The following CBLN2 variants were observed in gnomAD, a reference collection of about 807,000 sequenced individuals.
CBLN2 encodes cerebellin-2.
In CBLN2, 7 loss-of-function variants were observed where a neutral mutation model predicts 15.0. That is an observed-to-expected ratio of 0.47 (90% CI 0.27 to 0.88). The LOEUF (loss-of-function observed/expected upper bound fraction) is 0.88, where lower values mean the gene tolerates loss of function less well. Ranked by LOEUF, CBLN2 falls within the 40% of genes least tolerant of loss-of-function variation. The pLI is 0.14. For missense variants in CBLN2, 242 were observed against 304.5 expected, an observed-to-expected ratio of 0.79 and a Z score of 1.53; for synonymous variants, 149 against 135.2, an observed-to-expected ratio of 1.10 and a Z score of -0.71.
intron 1 of CBLN2, among the ~76,000 whole-genome samples, chr18:72,570,394 C>A (rs1251031738): frequency 5.3e-5 from 8 of 150,610 alleles, no homozygotes; most frequent in South Asian, 2.1e-4. Flanking sequence ...TATGCCACCA[C>A]GCCTGGCTAA....
At chr18:72,558,041 G>A (rs1012088754) in intron 1 of CBLN2, among the ~76,000 whole-genome samples, 1 of 152,182 alleles carries the variant, frequency 6.6e-6, no homozygotes, top group Non-Finnish European at 1.5e-5. Flanking sequence ...TGTCACGGAA[G>A]GTTTCCTAAA....
At chr18:72,606,969 A>G (rs2069587408) in intron 1 of CBLN2, among the ~76,000 whole-genome samples, 1 of 152,242 alleles carries the variant, frequency 6.6e-6, no homozygotes, top group African/African-American at 2.4e-5. Context: ...TTGAAGTCCT[A>G]ATCCCCAGAA....
At chr18:72,551,980 G>A (rs748611048) in intron 1 of CBLN2, among the ~76,000 whole-genome samples, 9 of 152,088 alleles carry the variant, frequency 5.9e-5, no homozygotes, top group Non-Finnish European at 1.2e-4. Context: ...CTTTGTGTAT[G>A]TGATTGTGTT....
At chr18:72,614,647 C>T (rs942428673) in intron 1 of CBLN2, among the ~76,000 whole-genome samples, 2 of 152,030 alleles carry the variant, frequency 1.3e-5, no homozygotes, top group African/African-American at 4.8e-5. Flanking sequence ...GTAGCCTGTG[C>T]TAAATTCTAG....
intron 2 of CBLN2, among the ~76,000 whole-genome samples, chr18:72,542,684 C>G (rs887366983): frequency 1.3e-5 from 2 of 152,144 alleles, no homozygotes; most frequent in Admixed American, 6.5e-5. Context: ...GAAAAACCTA[C>G]GAATGCTTGC....
At chr18:72,542,416 G>T (rs951512722) in intron 2 of CBLN2, 90 bp from the exon 3 acceptor site, 2 of 223,424 alleles carry the variant, frequency 9.0e-6, no homozygotes, top group Admixed American at 5.7e-5. Context: ...CGGCTCGGGG[G>T]TTCTCCCCGA....
chr18:72,597,595 G>A (rs1050270736), intron 1 of CBLN2, among the ~76,000 whole-genome samples: 1 of 152,176 alleles, frequency 6.6e-6, no homozygotes, highest in African/African-American at 2.4e-5. Context: ...AGCAGGTGGT[G>A]AATCCAGCCA....
chr18:72,593,519 T>C (rs2069493823), intron 1 of CBLN2, among the ~76,000 whole-genome samples: 2 of 152,220 alleles, frequency 1.3e-5, no homozygotes, highest in South Asian at 4.1e-4. Flanking sequence ...CTTGTGTGAT[T>C]GCTGTAGGTG....
upstream of CBLN2, among the ~76,000 whole-genome samples, chr18:72,548,375 T>C (rs2069171965): frequency 6.6e-6 from 1 of 152,220 alleles, no homozygotes. Flanking sequence ...ATTTTATACT[T>C]GATATTAATT....
chr18:72,609,967 G>A (rs9965968), intron 1 of CBLN2, among the ~76,000 whole-genome samples: 79 of 152,106 alleles, frequency 5.2e-4, no homozygotes, highest in African/African-American at 1.7e-3. Flanking sequence ...ACTGAAACTC[G>A]CTGCCATCCT....
intron 1 of CBLN2, among the ~76,000 whole-genome samples, chr18:72,598,539 C>T (rs1276001851): frequency 1.3e-5 from 2 of 152,162 alleles, no homozygotes; most frequent in Non-Finnish European, 2.9e-5. Context: ...CAAGCACTCC[C>T]TTTTCTTGGC....
rs997810695 is a variant in CBLN2 at position 72,617,331 on chromosome 18, T to C, written c.15+20994A>G. On this transcript the variant is annotated intron_variant, in intron 1 of 2. Coordinates refer to the CBLN2 transcript ENST00000581073. Reference sequence around the variant, plus strand: ...ATACATGTTTACTGATTGAATGAATTACCATGAATTCTACTAAATAGTTAA... The same window carrying C: ...ATACATGTTTACTGATTGAATGAATCACCATGAATTCTACTAAATAGTTAA... 3.5e-4 allele frequency among the ~76,000 whole-genome samples: 53 copies of C among 152,294 alleles called. 1 individual carries two copies. Among genetic ancestry groups the C allele is most frequent in the African/African-American group, 1.1e-3 (47 of 41,556 alleles).
Position 72,538,247 on chromosome 18 carries a change from G to GGTTGCCTCTCTCAA in CBLN2, c.603_604insTTGAGAGAGGCAAC (p.Glu203ArgfsTer33). 1 of 1,614,138 alleles carries GGTTGCCTCTCTCAA rather than the reference G, an allele frequency of 6.2e-7. No homozygotes were observed. Among genetic ancestry groups the GGTTGCCTCTCTCAA allele is most frequent in the Non-Finnish European group, 8.5e-7 (1 of 1,180,032 alleles). Reference sequence around the variant, plus strand: ...CCCCCCATGAGGTTGCCTCTCTCAAGTTTGAGATGCACTTTGTCTTCCCTT... The same window carrying GGTTGCCTCTCTCAA: ...CCCCCCATGAGGTTGCCTCTCTCAAGGTTGCCTCTCTCAATTTGAGATGCACTTTGTCTTCCCTT... On this transcript the variant is annotated frameshift_variant, in exon 5 of 5. Transcript: ENST00000269503. LOFTEE classifies it high-confidence loss of function.
At chr18:72,589,273 T>C (rs1026316034) in intron 1 of CBLN2, among the ~76,000 whole-genome samples, 4 of 152,114 alleles carry the variant, frequency 2.6e-5, no homozygotes, top group African/African-American at 9.7e-5. Context: ...AGGCCAGAAG[T>C]AGTACCCAGG....
chr18:72,589,354 T>C (rs2069463930), intron 1 of CBLN2, among the ~76,000 whole-genome samples: 1 of 152,076 alleles, frequency 6.6e-6, no homozygotes, highest in African/African-American at 2.4e-5. Flanking sequence ...ATAAAATGAG[T>C]TGATTTCATT....
At chr18:72,560,832 C>G (rs546918523) in intron 1 of CBLN2, among the ~76,000 whole-genome samples, 1 of 152,006 alleles carries the variant, frequency 6.6e-6, no homozygotes, top group Non-Finnish European at 1.5e-5. Flanking sequence ...CATGATGAAA[C>G]CCTGTCTCTA....
intron 1 of CBLN2, chr18:72,620,068 G>C (rs1391836157): frequency 6.6e-6 from 1 of 152,406 alleles, no homozygotes; most frequent in African/African-American, 2.4e-5. Context: ...CTCCATGCAG[G>C]CCCCACGGCA....
At chr18:72,611,046 T>A (rs2069618520) in intron 1 of CBLN2, among the ~76,000 whole-genome samples, 1 of 152,198 alleles carries the variant, frequency 6.6e-6, no homozygotes, top group African/African-American at 2.4e-5. Flanking sequence ...TCCAGCTGCA[T>A]CCATGTTGCT....
chr18:72,542,460 C>T, intron 2 of CBLN2, 134 bp from the exon 3 acceptor site: 1 of 186,306 alleles, frequency 5.4e-6, no homozygotes, highest in Admixed American at 6.1e-5. Flanking sequence ...ACAGCCAACC[C>T]GCTTTCCGAT....
Sources: allele counts gnomAD v4.1 joint callset (sites outside exome capture counted in the v4.1 genomes callset), GRCh38; gene constraint gnomAD v4.1.1; transcripts MANE v1.5; gene names NCBI Gene and HGNC (gene_info 2026-07-23, HGNC 2026-07-21).